Variants in GDF3 observed in about 807,000 individuals in gnomAD.
GDF3 encodes the protein growth differentiation factor 3.
In GDF3, 10 loss-of-function variants were observed where a neutral mutation model predicts 10.2. The observed-to-expected ratio is 0.98, with a 90% CI of 0.60 to 1.66. The LOEUF is 1.66. Ranked by LOEUF, GDF3 falls within the 40% of genes most tolerant of loss-of-function variation. The pLI is 0.00. For synonymous variants in GDF3, 166 were observed against 178.5 expected (o/e 0.93, Z 0.56); for missense variants, 450 against 438.3 (o/e 1.03, Z -0.24).
chr12:7,693,771 C>T (rs913324823), intron 1 of GDF3, among the ~76,000 whole-genome samples: 2 of 151,466 alleles, frequency 1.3e-5, no homozygotes, highest in Admixed American at 6.6e-5. Flanking sequence ...GAGACCTCAT[C>T]TCTATAAAAA....
At position 7,690,673 on chromosome 12, in the gene GDF3, T is replaced by C. The variant is rs759910014; in HGVS notation, c.300A>G (p.Gln100=). ...GGAGCTTCTGCAGGCAGGAGGAAGC[T>C]TGGGAAATTTTCTTTGGGTAAAGAA... is the stretch of plus-strand genomic sequence containing the variant. ...GFFLYPKKIS[Q]ASSCLQKLLY... is the part of the protein sequence containing the mutation. Residue 100 remains glutamine, a synonymous_variant, in exon 2 of 2, where the codon CAA becomes CAG. Coordinates refer to ENST00000329913, the MANE Select transcript of GDF3 (RefSeq NM_020634.3). 7.4e-6 allele frequency: 12 copies of C among 1,612,700 alleles called. No homozygotes were observed. The East Asian group carries it at 2.5e-4, about 33-fold the overall frequency.
chr12:7,694,815 T>A (rs1166922607), intron 1 of GDF3, among the ~76,000 whole-genome samples: 3 of 152,128 alleles, frequency 2.0e-5, no homozygotes, highest in Non-Finnish European at 4.4e-5. Context: ...TGGGGAGAAC[T>A]AGGGGCAGGA....
rs1864173753 is a variant in GDF3 at position 7,695,509 on chromosome 12, T to A, written c.220A>T (p.Lys74Ter). The stretch of plus-strand genomic sequence containing the variant: ...ACATTCCCGCGGACGCCCAGCTCCT[T>A]TACGTAGCATAAGTCTCGGGAGACC... ...TGVSRDLCYVKELGVRGNVLR... is the reference protein window; with the variant it reads ...TGVSRDLCYV The change falls in exon 1 of 2, where the codon AAG becomes TAG. Residue 74 changes from lysine (K) to a stop codon, truncating the protein, a stop_gained. Coordinates refer to ENST00000329913, the MANE Select transcript of GDF3 (RefSeq NM_020634.3). LOFTEE classifies it low-confidence loss of function (END_TRUNC). The A allele has an allele frequency of 1.2e-6, 2 of 1,613,972 alleles. No individual in the cohort carries two copies. Among genetic ancestry groups the A allele is most frequent in the African/African-American group, 2.7e-5 (2 of 74,912 alleles).
In GDF3 at chr12:7,695,494, G is replaced by C. The variant is rs1440316924; in HGVS notation, c.235C>G (p.Arg79Gly). ...GGGAGAAAGCGAAGTACATTCCCGC[G>C]GACGCCCAGCTCCTTTACGTAGCAT... ...DLCYVKELGV[R>G]GNVLRFLPDQ... is the part of the protein sequence containing the mutation. The change falls in exon 1 of 2, where the codon CGC becomes GGC. Residue 79 changes from arginine (R) to glycine (G), a missense_variant. Arg to Gly is a moderately radical substitution (Grantham distance 125). Transcript: ENST00000329913. 1.2e-6 allele frequency: 2 copies of C among 1,613,974 alleles called. No individual in the cohort carries two copies. The highest frequency in any genetic ancestry group is 1.3e-5 in the African/African-American group (1 of 74,988).
At position 7,695,499 on chromosome 12, in the gene GDF3, C is replaced by T. The variant is rs1413628563; in HGVS notation, c.230G>A (p.Gly77Asp). Residue 77 changes from glycine (G) to aspartate (D), a missense_variant, in exon 1 of 2, where the codon GGC becomes GAC. By Grantham distance (94) the Gly-to-Asp change is moderately conservative (BLOSUM62 -1). Transcript: ENST00000329913. ...SRDLCYVKEL[G>D]VRGNVLRFLP... ...AAAGCGAAGTACATTCCCGCGGACG[C>T]CCAGCTCCTTTACGTAGCATAAGTC... The T allele has an allele frequency of 3.7e-6, 6 of 1,614,122 alleles. No homozygotes were observed. The South Asian group carries it at 6.6e-5, about 18-fold the overall frequency.
intron 1 of GDF3, among the ~76,000 whole-genome samples, chr12:7,692,354 TG>T (rs1417485049): frequency 6.6e-6 from 1 of 151,454 alleles, no homozygotes; most frequent in African/African-American, 2.4e-5. Context: ...CACTTGAATT[TG>T]GGAGGCAGAG....
In GDF3 at chr12:7,690,080, G is replaced by A. The variant is rs1864109147; in HGVS notation, c.893C>T (p.Pro298Leu). The A allele has an allele frequency of 1.2e-6, 2 of 1,613,922 alleles. No individual in the cohort carries two copies. The highest frequency in any genetic ancestry group is 1.3e-5 in the African/African-American group (1 of 74,904). Reference protein sequence around the residue: ...FMANYCHGECPFSLTISLNSS... With the variant: ...FMANYCHGECLFSLTISLNSS... ...GTTGAGAGAGATGGTCAGTGAGAAG[G>A]GACACTCTCCATGGCAGTAATTTGC... Residue 298 changes from proline to leucine, a missense_variant, in exon 2 of 2, where the codon CCC (proline) becomes CTC (leucine). Pro to Leu is a moderately conservative substitution (Grantham distance 98, BLOSUM62 -3). Transcript: ENST00000329913.
chr12:7,695,532 A>G lies in GDF3; in HGVS notation c.197T>C (p.Val66Ala). 6.2e-7 allele frequency: 1 copy of G among 1,613,934 alleles called. No individual in the cohort carries two copies. Among genetic ancestry groups the G allele is most frequent in the Middle Eastern group, 1.7e-4 (1 of 6,060 alleles). Residue 66 changes from valine (V) to alanine (A), a missense_variant, in exon 1 of 2, where the codon GTC (valine) becomes GCC (alanine). By Grantham distance (64) the Val-to-Ala change is moderately conservative. Transcript: ENST00000329913. ...QDREAAATTG[V>A]SRDLCYVKEL... Reference sequence around the variant, plus strand: ...CTTTACGTAGCATAAGTCTCGGGAGACCCCAGTGGTCGCTGCTGCCTCGCG... The same window carrying G: ...CTTTACGTAGCATAAGTCTCGGGAGGCCCCAGTGGTCGCTGCTGCCTCGCG...
At chr12:7,690,774 A>C in intron 1 of GDF3, 70 bp from the exon 2 acceptor site, 1 of 884,170 alleles carries the variant, frequency 1.1e-6, no homozygotes, top group Non-Finnish European at 1.9e-6. Context: ...TATAATAGAA[A>C]TGCCAGACAC....
Position 7,690,246 on chromosome 12 carries a change from A to T in GDF3, c.727T>A (p.Cys243Ser). ...LLVVTLNPDQ[C>S]HPSRKRRAAI... Reference sequence around the variant, plus strand: ...GCTCTCCTTTTCCGAGAAGGGTGGCACTGATCAGGGTTGAGAGTCACCACC... The same window carrying T: ...GCTCTCCTTTTCCGAGAAGGGTGGCTCTGATCAGGGTTGAGAGTCACCACC... Residue 243 changes from cysteine (C) to serine (S), a missense_variant, in exon 2 of 2, where the codon TGC becomes AGC. Transcript: ENST00000329913. 1 of 1,614,092 alleles carries T rather than the reference A, an allele frequency of 6.2e-7. No homozygotes were observed. The highest frequency in any genetic ancestry group is 8.5e-7 in the Non-Finnish European group (1 of 1,179,992).
rs1438476611 is a variant in GDF3 at position 7,690,430 on chromosome 12, G to C, written c.543C>G (p.Phe181Leu). ...SVPWPQGAVH[F>L]NLLDVAKDWN... is the part of the protein sequence containing the mutation. Reference sequence around the variant, plus strand: ...AATCCTTAGCTACATCCAGCAGGTTGAAGTGAACAGCACCTTGTGGCCATG... The same window carrying C: ...AATCCTTAGCTACATCCAGCAGGTTCAAGTGAACAGCACCTTGTGGCCATG... Residue 181 changes from phenylalanine to leucine, a missense_variant, in exon 2 of 2, where the codon TTC becomes TTG. Physicochemically the swap from Phe to Leu is conservative, Grantham distance 22. Coordinates refer to ENST00000329913, the MANE Select transcript of GDF3 (RefSeq NM_020634.3). The C allele has an allele frequency of 1.2e-6, 2 of 1,614,138 alleles. No individual in the cohort carries two copies. Among genetic ancestry groups the C allele is most frequent in the South Asian group, 1.1e-5 (1 of 91,080 alleles).
chr12:7,694,569 C>CAAAA (rs57221382), intron 1 of GDF3, among the ~76,000 whole-genome samples: 10 of 80,138 alleles, frequency 1.2e-4, no homozygotes, highest in South Asian at 4.9e-4. Flanking sequence ...GCGAGACTCT[C>CAAAA]AAAAAAAAAA....
chr12:7,690,890 G>C (rs1177873563), intron 1 of GDF3, among the ~76,000 whole-genome samples, 186 bp from the exon 2 acceptor site: 1 of 152,018 alleles, frequency 6.6e-6, no homozygotes, highest in Non-Finnish European at 1.5e-5. Flanking sequence ...GGCGGCTCAC[G>C]CCTGTAATCC....
intron 1 of GDF3, 127 bp downstream of exon 1, chr12:7,695,334 T>A (rs1864171687): frequency 9.5e-6 from 9 of 946,286 alleles, no homozygotes; most frequent in Non-Finnish European, 1.4e-5. Flanking sequence ...GTGGCTGGAA[T>A]TAAATGAGAC....
Position 7,690,647 on chromosome 12 carries a change from A to G in GDF3, c.326T>C (p.Leu109Pro). 1.9e-6 allele frequency: 3 copies of G among 1,612,822 alleles called. No individual in the cohort carries two copies. The highest frequency in any genetic ancestry group is 2.5e-6 in the Non-Finnish European group (3 of 1,179,618). Residue 109 changes from leucine (L) to proline (P), a missense_variant, in exon 2 of 2, where the codon CTC (leucine) becomes CCC (proline). Physicochemically the swap from Leu to Pro is moderately conservative, Grantham distance 98 (BLOSUM62 -3). Transcript: ENST00000329913. ...TTTGATGGCAGACAGGTTAAAGTAG[A>G]GGAGCTTCTGCAGGCAGGAGGAAGC... is the stretch of plus-strand genomic sequence containing the variant. ...SQASSCLQKL[L>P]YFNLSAIKER... is the part of the protein sequence containing the mutation.
Position 7,693,768 on chromosome 12 carries a change from C to G in GDF3, c.268+1693G>C, listed in dbSNP as rs1592074043. Among the ~76,000 whole-genome samples, 3 of 151,566 alleles carry G rather than the reference C, an allele frequency of 2.0e-5. 1 individual carries two copies. Reference sequence around the variant, plus strand: ...AGAGACCAGCCTCATGGTGAGACCTCATCTCTATAAAAAAGTACAAAAATC... The same window carrying G: ...AGAGACCAGCCTCATGGTGAGACCTGATCTCTATAAAAAAGTACAAAAATC... On this transcript the variant is annotated intron_variant, in intron 1 of 1. Coordinates refer to ENST00000329913, the MANE Select transcript of GDF3 (RefSeq NM_020634.3).
Position 7,695,697 on chromosome 12 carries a change from C to G in GDF3, c.32G>C (p.Ser11Thr). 6.2e-7 allele frequency: 1 copy of G among 1,614,200 alleles called. No individual in the cohort carries two copies. The highest frequency in any genetic ancestry group is 8.5e-7 in the Non-Finnish European group (1 of 1,180,046). The change falls in exon 1 of 2, where the codon AGC becomes ACC. Residue 11 changes from serine (S) to threonine (T), a missense_variant. By Grantham distance (58) the Ser-to-Thr change is moderately conservative. Transcript: ENST00000329913. ...GCCCAAAGCCAGAATTAACAGGAAG[C>G]TGAAAGCCAAATCTGGCAAGAAACG... The part of the protein sequence containing the change: MLRFLPDLAF[S>T]FLLILALGQA...
rs1330143414 is a variant in GDF3, at chr12:7,695,510, T to A, written c.219A>T (p.Val73=). 1 of 1,614,136 alleles carries A rather than the reference T, an allele frequency of 6.2e-7. No individual in the cohort carries two copies. The highest frequency in any genetic ancestry group is 1.7e-5 in the Admixed American group (1 of 59,998). ...TTGVSRDLCY[V]KELGVRGNVL... Reference sequence around the variant, plus strand: ...CATTCCCGCGGACGCCCAGCTCCTTTACGTAGCATAAGTCTCGGGAGACCC... The same window carrying A: ...CATTCCCGCGGACGCCCAGCTCCTTAACGTAGCATAAGTCTCGGGAGACCC... Residue 73 remains valine (V), a synonymous_variant, in exon 1 of 2, where the codon GTA becomes GTT. Transcript: ENST00000329913.
chr12:7,690,926 C>T (rs911416864), intron 1 of GDF3, among the ~76,000 whole-genome samples: 9 of 151,512 alleles, frequency 5.9e-5, no homozygotes, highest in East Asian at 3.9e-4. Context: ...CCGAGGCGGG[C>T]GGATCACGAG....
Sources: gnomAD v4.1 joint callset for allele counts (sites outside exome capture counted in the v4.1 genomes callset) on GRCh38, gnomAD v4.1.1 for gene constraint, MANE v1.5 for transcripts, NCBI Gene and HGNC (gene_info 2026-07-23, HGNC 2026-07-21) for gene names.